The following ATP8A2 variants were observed in gnomAD, a reference collection of about 807,000 sequenced individuals.
ATP8A2 encodes the protein ATPase phospholipid transporting 8A2, also known as phospholipid-transporting ATPase IB.
A neutral mutation model predicts 165.6 loss-of-function variants in ATP8A2; 100 were observed. That is an observed-to-expected ratio of 0.60 (90% CI 0.51 to 0.71). The LOEUF is 0.71. Among genes scored for constraint, ATP8A2 ranks in the 30% least tolerant of loss-of-function variants. The pLI, the probability that ATP8A2 is intolerant of heterozygous loss-of-function variation, is 0.00. For missense variants in ATP8A2, 1,227 were observed against 1,479.5 expected (o/e 0.83, Z 2.80); for synonymous variants, 543 against 548.8 (o/e 0.99, Z 0.15).
At chr13:25,550,297 T>A (rs969276883) in intron 10 of ATP8A2, among the ~76,000 whole-genome samples, 1 of 151,962 alleles carries the variant, frequency 6.6e-6, no homozygotes, top group African/African-American at 2.4e-5. Flanking sequence ...AGAGTGAGAC[T>A]CCATCTCAAA....
intron 33 of ATP8A2, among the ~76,000 whole-genome samples, chr13:25,938,868 A>G (rs1271314244): frequency 6.6e-6 from 1 of 150,868 alleles, no homozygotes; most frequent in East Asian, 1.9e-4. Flanking sequence ...TTTGAAATGA[A>G]GTCTCACTCT....
chr13:25,712,238 G>A (rs529567744), intron 25 of ATP8A2, among the ~76,000 whole-genome samples: 2 of 152,018 alleles, frequency 1.3e-5, no homozygotes, highest in African/African-American at 4.8e-5. Flanking sequence ...ATGGGTCAGG[G>A]GTGTCCACAG....
intron 30 of ATP8A2, among the ~76,000 whole-genome samples, chr13:25,846,045 G>A (rs974583039): frequency 9.9e-5 from 15 of 152,064 alleles, no homozygotes; most frequent in African/African-American, 2.7e-4. Context: ...GCTTGGTGGC[G>A]CATGCCTGTA....
chr13:25,490,591 C>T (rs2036495590), intron 2 of ATP8A2, among the ~76,000 whole-genome samples: 1 of 152,182 alleles, frequency 6.6e-6, no homozygotes, highest in Non-Finnish European at 1.5e-5. Context: ...TAAGAAGGTC[C>T]ACACAATAAA....
At chr13:25,687,043 T>C (rs1422665232) in intron 24 of ATP8A2, among the ~76,000 whole-genome samples, 1 of 152,042 alleles carries the variant, frequency 6.6e-6, no homozygotes, top group Non-Finnish European at 1.5e-5. Context: ...TCAAATACTT[T>C]CCAAAATGTC....
intron 1 of ATP8A2, among the ~76,000 whole-genome samples, chr13:25,415,554 A>G (rs1382121641): frequency 6.6e-6 from 1 of 152,196 alleles, no homozygotes; most frequent in Non-Finnish European, 1.5e-5. Flanking sequence ...AGTTTTATGT[A>G]GACGGAAACC....
intron 25 of ATP8A2, among the ~76,000 whole-genome samples, chr13:25,725,255 G>A (rs992396031): frequency 4.6e-5 from 7 of 152,238 alleles, no homozygotes; most frequent in Non-Finnish European, 1.5e-5. Flanking sequence ...TCCTCTGTGA[G>A]CACGTGTCTG....
intron 25 of ATP8A2, among the ~76,000 whole-genome samples, chr13:25,762,292 A>AAAAAAAAAAAAAAC (rs2044397574): frequency 6.7e-6 from 1 of 149,864 alleles, no homozygotes; most frequent in African/African-American, 2.4e-5. Flanking sequence ...AAAAAAAAAA[A>AAAAAAAAAAAAAAC]AAAAGCTGTC....
chr13:25,937,379 T>TTTTTTTTTTTTTTTTTTTTTTTTTTG (rs1954932698), intron 33 of ATP8A2, among the ~76,000 whole-genome samples: 1 of 143,498 alleles, frequency 7.0e-6, no homozygotes, highest in Non-Finnish European at 1.5e-5. Context: ...TTTTTTTTTT[T>TTTTTTTTTTTTTTTTTTTTTTTTTTG]GAACAGCCCA....
chr13:25,632,930 A>G (rs972007626), intron 24 of ATP8A2, among the ~76,000 whole-genome samples: 8 of 152,210 alleles, frequency 5.3e-5, no homozygotes, highest in Non-Finnish European at 8.8e-5. Context: ...TCAGAGTCAC[A>G]GTCTGTTTGC....
chr13:25,919,820 C>A (rs763134614), intron 33 of ATP8A2, among the ~76,000 whole-genome samples: 1 of 152,088 alleles, frequency 6.6e-6, no homozygotes, highest in Admixed American at 6.6e-5. Context: ...GGCTGGAGTG[C>A]GGTGGTGCTG....
intron 10 of ATP8A2, among the ~76,000 whole-genome samples, chr13:25,548,475 T>C (rs2038720643): frequency 6.6e-6 from 1 of 152,078 alleles, no homozygotes; most frequent in South Asian, 2.1e-4. Flanking sequence ...AGAAATGAGG[T>C]TTATGATAAT....
At chr13:25,484,608 G>A (rs148416852) in intron 2 of ATP8A2, among the ~76,000 whole-genome samples, 12 of 152,044 alleles carry the variant, frequency 7.9e-5, no homozygotes, top group South Asian at 2.1e-4. Context: ...TCCCACTCCC[G>A]GATTCAGGTG....
In ATP8A2 at chr13:25,733,342, C is replaced by A. The variant is rs80243545; in HGVS notation, c.2384+33997C>A. ...GGAAAACAGTGAAGGAAATAGAAAC[C>A]GCTAATGGTATCACTCTCCTAAGGG... On this transcript the variant is annotated intron_variant, in intron 25 of 36. Coordinates refer to ENST00000381655, the MANE Select transcript of ATP8A2 (RefSeq NM_016529.6). Among the ~76,000 whole-genome samples the A allele has an allele frequency of 2.1e-3, 316 of 152,148 alleles. 1 individual carries two copies. Among genetic ancestry groups the A allele is most frequent in the Admixed American group, 4.6e-3 (70 of 15,284 alleles).
intron 2 of ATP8A2, among the ~76,000 whole-genome samples, chr13:25,512,856 G>A (rs376504301): frequency 4.2e-5 from 6 of 144,062 alleles, no homozygotes; most frequent in South Asian, 2.2e-4. Flanking sequence ...CAGTAGGGGC[G>A]GCCAGGCAGA....
intron 6 of ATP8A2, chr13:25,534,090 G>T (rs1477479173): frequency 2.1e-6 from 1 of 477,726 alleles, no homozygotes; most frequent in Non-Finnish European, 4.3e-6. Context: ...GTTTTTAAAT[G>T]CCTCTTACAG....
At chr13:25,910,375 G>A (rs1330374490) in intron 33 of ATP8A2, among the ~76,000 whole-genome samples, 1 of 152,098 alleles carries the variant, frequency 6.6e-6, no homozygotes, top group East Asian at 1.9e-4. Context: ...CCCTTTCACG[G>A]CACCTGTAAA....
intron 25 of ATP8A2, among the ~76,000 whole-genome samples, chr13:25,764,805 G>T (rs1323030410): frequency 6.6e-6 from 1 of 152,158 alleles, no homozygotes; most frequent in Admixed American, 6.5e-5. Flanking sequence ...GGTCTCTAGG[G>T]GGTTCCTGGG....
At position 25,689,180 on chromosome 13, in the gene ATP8A2, T is replaced by G. The variant is rs570968076; in HGVS notation, c.2212-9993T>G. ...ACCATGTTCATTTTCTTATACAGCA[T>G]CTGTGAGGTTTGCTTTAAAAGTTTT... On this transcript the variant is annotated intron_variant, in intron 24 of 36. Transcript: ENST00000381655. Among the ~76,000 whole-genome samples the G allele has an allele frequency of 6.3e-4, 96 of 152,362 alleles. 1 individual carries two copies. The highest frequency in any genetic ancestry group is 2.3e-3 in the African/African-American group (95 of 41,592).
Sources: gnomAD v4.1 joint callset for allele counts (sites outside exome capture counted in the v4.1 genomes callset) on GRCh38, gnomAD v4.1.1 for gene constraint, MANE v1.5 for transcripts, NCBI Gene and HGNC (gene_info 2026-07-23, HGNC 2026-07-21) for gene names.